The following KIAA0753 variants were observed in gnomAD, a reference collection of about 807,000 sequenced individuals.
KIAA0753 encodes KIAA0753, also known as protein moonraker.
Under a neutral mutation model 116.9 loss-of-function variants are expected in KIAA0753, and 114 were observed. The observed-to-expected ratio is 0.98, with a 90% CI of 0.84 to 1.14. KIAA0753 has a LOEUF of 1.14. Ranked by LOEUF, KIAA0753 falls within the 50% of genes most tolerant of loss-of-function variation. The pLI is 0.00. For synonymous variants in KIAA0753, 405 were observed against 413.1 expected (o/e 0.98, Z 0.24); for missense variants, 1,156 against 1,172.4 (o/e 0.99, Z 0.20).
chr17:6,602,020 G>A (rs996333563), intron 12 of KIAA0753, among the ~76,000 whole-genome samples: 1 of 152,122 alleles, frequency 6.6e-6, no homozygotes, highest in African/African-American at 2.4e-5. Flanking sequence ...ACTAGAAAAG[G>A]TGCCCAACAT....
intron 8 of KIAA0753, 77 bp downstream of exon 8, chr17:6,611,842 C>T (rs1597536850): frequency 2.5e-6 from 3 of 1,183,320 alleles, no homozygotes; most frequent in East Asian, 2.3e-5. Context: ...GAACTGGCTC[C>T]ACCATATACC....
Position 6,628,271 on chromosome 17 carries a change from T to G in KIAA0753, c.564A>C (p.Pro188=). The change falls in exon 3 of 19, where the codon CCA becomes CCC. Residue 188 remains proline, a synonymous_variant. Coordinates refer to ENST00000361413, the MANE Select transcript of KIAA0753 (RefSeq NM_014804.3). ...SHPGQSDLTV[P]NSPPTHDPGL... ...CCGGATCATGGGTGGGTGGCGAATT[T>G]GGCACAGTAAGATCTGACTGGCCTG... 6.2e-7 allele frequency: 1 copy of G among 1,614,184 alleles called. No homozygotes were observed. Among genetic ancestry groups the G allele is most frequent in the South Asian group, 1.1e-5 (1 of 91,080 alleles).
At chr17:6,588,560 T>C (rs1968752628) in intron 18 of KIAA0753, among the ~76,000 whole-genome samples, 1 of 152,292 alleles carries the variant, frequency 6.6e-6, no homozygotes, top group East Asian at 1.9e-4. Context: ...ACAAAAATTA[T>C]ATTATTGAGA....
chr17:6,591,002 A>G (rs574843391), intron 16 of KIAA0753, among the ~76,000 whole-genome samples: 10 of 91,796 alleles, frequency 1.1e-4, no homozygotes, highest in Non-Finnish European at 2.3e-4. Flanking sequence ...AGAAGAAGGA[A>G]GAAGAAGGAA....
chr17:6,598,274 C>T (rs780267300), intron 14 of KIAA0753, among the ~76,000 whole-genome samples: 3 of 152,112 alleles, frequency 2.0e-5, no homozygotes, highest in Non-Finnish European at 4.4e-5. Flanking sequence ...AACACCAAGC[C>T]ATAACAGCTG....
chr17:6,624,143 TA>T (rs1275700443), intron 4 of KIAA0753: 2 of 152,522 alleles, frequency 1.3e-5, no homozygotes, highest in Non-Finnish European at 1.5e-5. Flanking sequence ...AAAGGCTTAC[TA>T]ATGTATAAGG....
intron 12 of KIAA0753, among the ~76,000 whole-genome samples, chr17:6,603,327 T>C (rs1049558060): frequency 4.6e-5 from 7 of 151,960 alleles, no homozygotes; most frequent in African/African-American, 1.7e-4. Context: ...GGAAATAAAT[T>C]GCCAGGCTTA....
chr17:6,590,792 A>G (rs907824930), intron 16 of KIAA0753, among the ~76,000 whole-genome samples, 162 bp from the exon 17 acceptor site: 1 of 152,186 alleles, frequency 6.6e-6, no homozygotes, highest in African/African-American at 2.4e-5. Flanking sequence ...TTTTAAATGC[A>G]AAGGTGAATT....
At chr17:6,622,323 T>C (rs898043308) in intron 6 of KIAA0753, among the ~76,000 whole-genome samples, 1 of 152,232 alleles carries the variant, frequency 6.6e-6, no homozygotes, top group Non-Finnish European at 1.5e-5. Flanking sequence ...CATAATTACA[T>C]GGAAACACCA....
chr17:6,602,480 G>A (rs377732785), intron 12 of KIAA0753, among the ~76,000 whole-genome samples: 7 of 152,164 alleles, frequency 4.6e-5, no homozygotes, highest in Non-Finnish European at 8.8e-5. Flanking sequence ...TGGATGAATC[G>A]TAAACATTTT....
chr17:6,598,278 A>G (rs1223437853), intron 14 of KIAA0753, among the ~76,000 whole-genome samples: 1 of 152,226 alleles, frequency 6.6e-6, no homozygotes, highest in Non-Finnish European at 1.5e-5. Flanking sequence ...CCAAGCCATA[A>G]CAGCTGAATT....
chr17:6,585,028 A>G (rs1968464713), intron 18 of KIAA0753, among the ~76,000 whole-genome samples: 1 of 152,130 alleles, frequency 6.6e-6, no homozygotes. Flanking sequence ...TCCTGGGCTC[A>G]AGCAATCCTC....
chr17:6,583,396 GC>G (rs1388836936), intron 18 of KIAA0753, among the ~76,000 whole-genome samples: 1 of 151,946 alleles, frequency 6.6e-6, no homozygotes, highest in East Asian at 1.9e-4. Context: ...GATGTCTTTT[GC>G]TACTCTGGGG....
At chr17:6,595,693 A>G (rs1051475159) in intron 15 of KIAA0753, among the ~76,000 whole-genome samples, 2 of 152,164 alleles carry the variant, frequency 1.3e-5, no homozygotes, top group Non-Finnish European at 2.9e-5. Context: ...GCACTGAATA[A>G]TCCAGGGGTT....
chr17:6,616,883 G>A (rs529705742), intron 7 of KIAA0753, among the ~76,000 whole-genome samples: 1 of 152,270 alleles, frequency 6.6e-6, no homozygotes, highest in East Asian at 1.9e-4. Flanking sequence ...TCACAAACTG[G>A]CAGAGGTGGG....
At chr17:6,597,695 T>A (rs1215114856) in intron 14 of KIAA0753, among the ~76,000 whole-genome samples, 1 of 152,226 alleles carries the variant, frequency 6.6e-6, no homozygotes, top group Non-Finnish European at 1.5e-5. Context: ...TACGTTATAA[T>A]GGTACCTTTA....
Position 6,620,789 on chromosome 17 carries a change from G to T in KIAA0753, c.1314C>A (p.Ala438=). The T allele has an allele frequency of 6.2e-7, 1 of 1,613,700 alleles. No homozygotes were observed. Among genetic ancestry groups the T allele is most frequent in the South Asian group, 1.1e-5 (1 of 91,056 alleles). The change falls in exon 7 of 19, where the codon GCC becomes GCA. Residue 438 remains alanine (A), a splice_region_variant and synonymous_variant. Coordinates refer to ENST00000361413, the MANE Select transcript of KIAA0753 (RefSeq NM_014804.3). ...SRPSVAKQLL[A]DKYQPDTELP... is the part of the protein sequence containing the mutation. The stretch of plus-strand genomic sequence containing the variant: ...CAATAAACACTTTAAGACACATACC[G>T]GCAAGAAGCTGCTTTGCTACAGAAG...
chr17:6,638,717 A>T (rs573001509), intron 1 of KIAA0753: 60 of 153,136 alleles, frequency 3.9e-4, no homozygotes, highest in African/African-American at 1.4e-3. Flanking sequence ...TGTCCGTCCC[A>T]CAGGCCCAGG....
rs534745756 is a variant in KIAA0753 at position 6,614,329 on chromosome 17, A to G, written c.1316-2181T>C. ...AGCCAGGAACACAGATATTCATTTC[A>G]CTTCATCATTGTTTATAAAAGCAAA... On this transcript the variant is annotated intron_variant, in intron 7 of 18. Transcript: ENST00000361413. Among the ~76,000 whole-genome samples, 6 of 152,316 alleles carry G rather than the reference A, an allele frequency of 3.9e-5. No homozygotes were observed. The South Asian group carries it at 1.2e-3, about 32-fold the overall frequency.
Sources: gnomAD v4.1 joint callset for allele counts (sites outside exome capture counted in the v4.1 genomes callset) on GRCh38, gnomAD v4.1.1 for gene constraint, MANE v1.5 for transcripts, NCBI Gene and HGNC (gene_info 2026-07-23, HGNC 2026-07-21) for gene names.